Variants in ZRANB3 observed in about 807,000 individuals in gnomAD.
ZRANB3 encodes the protein zinc finger RANBP2-type containing 3.
Under a neutral mutation model 133.8 loss-of-function variants are expected in ZRANB3, and 125 were observed. That is an observed-to-expected ratio of 0.93 (90% CI 0.81 to 1.08). The LOEUF (loss-of-function observed/expected upper bound fraction) is 1.08. Among genes scored for constraint, ZRANB3 ranks in the 50% least tolerant of loss-of-function variants. The probability of loss-of-function intolerance (pLI) is 0.00; values close to 1 mark genes in which losing one functional copy is unlikely to be tolerated. For missense variants in ZRANB3, 1,229 were observed against 1,275.5 expected (o/e 0.96, Z 0.56); for synonymous variants, 387 against 432.7 (o/e 0.89, Z 1.31).
intron 2 of ZRANB3, among the ~76,000 whole-genome samples, chr2:135,411,067 C>T (rs181995072): frequency 1.3e-5 from 2 of 152,060 alleles, no homozygotes; most frequent in Non-Finnish European, 2.9e-5. Context: ...GGTGAAACCC[C>T]AACTCTATTA....
chr2:135,471,799 A>G (rs1449788746), intron 2 of ZRANB3, among the ~76,000 whole-genome samples: 2 of 152,206 alleles, frequency 1.3e-5, no homozygotes, highest in East Asian at 1.9e-4. Context: ...TACAAAGGGA[A>G]TATCTAGATC....
intron 2 of ZRANB3, among the ~76,000 whole-genome samples, chr2:135,460,754 A>C (rs1372384864): frequency 6.6e-6 from 1 of 152,208 alleles, no homozygotes; most frequent in African/African-American, 2.4e-5. Context: ...AATTTAACAA[A>C]TTATGCTTCT....
At chr2:135,406,303 C>T (rs1159797217) in intron 2 of ZRANB3, among the ~76,000 whole-genome samples, 3 of 152,108 alleles carry the variant, frequency 2.0e-5, no homozygotes, top group South Asian at 2.1e-4. Flanking sequence ...AGACCAAAAA[C>T]AGGCTCTGAA....
At chr2:135,301,395 A>G (rs1682426094) in intron 8 of ZRANB3, among the ~76,000 whole-genome samples, 1 of 152,118 alleles carries the variant, frequency 6.6e-6, no homozygotes, top group Non-Finnish European at 1.5e-5. Flanking sequence ...CATGTTGGCC[A>G]GGTTCATCTA....
chr2:135,329,915 A>G (rs1684049966), intron 6 of ZRANB3, among the ~76,000 whole-genome samples: 2 of 152,184 alleles, frequency 1.3e-5, no homozygotes, highest in African/African-American at 4.8e-5. Flanking sequence ...ATATTGTGAG[A>G]CTTTGCTGAA....
intron 12 of ZRANB3, among the ~76,000 whole-genome samples, chr2:135,240,823 A>C (rs1695519984): frequency 6.6e-6 from 1 of 151,800 alleles, no homozygotes; most frequent in South Asian, 2.1e-4. Context: ...CAAGTAATTC[A>C]CCTGTCTTGG....
intron 2 of ZRANB3, among the ~76,000 whole-genome samples, chr2:135,460,566 C>T (rs546325025): frequency 4.6e-5 from 7 of 152,188 alleles, no homozygotes; most frequent in East Asian, 1.9e-4. Flanking sequence ...CGAGCCTGGA[C>T]GAAACGGCTA....
At chr2:135,418,968 C>T (rs1383757106) in intron 2 of ZRANB3, among the ~76,000 whole-genome samples, 89 of 104,262 alleles carry the variant, frequency 8.5e-4, no homozygotes, top group African/African-American at 2.9e-3. Flanking sequence ...GACGGAGTCT[C>T]GTTCTGTCAC....
intron 10 of ZRANB3, 76 bp downstream of exon 10, chr2:135,271,692 C>T: frequency 6.7e-7 from 1 of 1,489,924 alleles, no homozygotes; most frequent in Non-Finnish European, 8.9e-7. Flanking sequence ...AGTTTATAAA[C>T]CAAAGTTATA....
Position 135,350,044 on chromosome 2 carries a change from T to A in ZRANB3, c.531A>T (p.Val177=). 6.2e-7 allele frequency: 1 copy of A among 1,613,864 alleles called. No individual in the cohort carries two copies. The highest frequency in any genetic ancestry group is 8.5e-7 in the Non-Finnish European group (1 of 1,179,858). ...ATRSRILLPI[V]QKARRAILLT... is the part of the protein sequence containing the mutation. ...GAAGAATGGCTCGTCTGGCTTTCTG[T>A]ACTATTGGCAATAAAATCCTGCTGC... The change falls in exon 5 of 21, where the codon GTA becomes GTT. Residue 177 remains valine (V), a synonymous_variant. Coordinates refer to ENST00000264159, the MANE Select transcript of ZRANB3 (RefSeq NM_032143.4).
intron 14 of ZRANB3, among the ~76,000 whole-genome samples, chr2:135,225,686 A>G (rs921811609): frequency 6.6e-6 from 1 of 152,192 alleles, no homozygotes; most frequent in African/African-American, 2.4e-5. Flanking sequence ...AAATGTCTTT[A>G]AATTTTTTCA....
intron 3 of ZRANB3, among the ~76,000 whole-genome samples, chr2:135,361,984 G>C (rs965969826): frequency 2.0e-5 from 3 of 152,032 alleles, no homozygotes; most frequent in African/African-American, 7.2e-5. Flanking sequence ...GGATCATGAG[G>C]TCAGAAGATG....
chr2:135,273,683 C>A (rs1357301981), intron 9 of ZRANB3, among the ~76,000 whole-genome samples: 2 of 152,142 alleles, frequency 1.3e-5, no homozygotes, highest in Non-Finnish European at 2.9e-5. Context: ...GGATTACAGG[C>A]ATGTGCCACC....
rs145922424 is a variant in ZRANB3, at chr2:135,428,828, G to A, written c.162-38008C>T. Among the ~76,000 whole-genome samples the A allele has an allele frequency of 6.1e-4, 93 of 152,268 alleles. 1 individual carries two copies. The Middle Eastern group carries it at 0.014, about 22-fold the overall frequency. On this transcript the variant is annotated intron_variant, in intron 2 of 20. Transcript: ENST00000264159. ...TTAAAGAAATGAATATCCAAACCAAGATGACATACTGTCTCACGCCATCCG... is the reference window on the plus strand; with the variant it reads ...TTAAAGAAATGAATATCCAAACCAAAATGACATACTGTCTCACGCCATCCG...
chr2:135,485,300 A>G (rs1692060687), intron 2 of ZRANB3, among the ~76,000 whole-genome samples: 1 of 152,206 alleles, frequency 6.6e-6, no homozygotes, highest in Non-Finnish European at 1.5e-5. Context: ...TGATATGTAC[A>G]CTGTCTATCC....
intron 2 of ZRANB3, among the ~76,000 whole-genome samples, chr2:135,489,036 T>C (rs776987962): frequency 6.6e-6 from 1 of 151,886 alleles, no homozygotes; most frequent in Non-Finnish European, 1.5e-5. Flanking sequence ...GTCTATAACA[T>C]TGCTCTAGCC....
At chr2:135,428,039 C>A (rs553463756) in intron 2 of ZRANB3, among the ~76,000 whole-genome samples, 1 of 152,188 alleles carries the variant, frequency 6.6e-6, no homozygotes, top group South Asian at 2.1e-4. Flanking sequence ...TTTGATCATA[C>A]AAGAAAATCA....
At chr2:135,521,986 G>A (rs1020179457) in intron 1 of ZRANB3, among the ~76,000 whole-genome samples, 1 of 152,104 alleles carries the variant, frequency 6.6e-6, no homozygotes, top group African/African-American at 2.4e-5. Context: ...TCTCCTTACT[G>A]CCTTCATGTC....
chr2:135,397,047 A>G (rs1375199985), intron 2 of ZRANB3, among the ~76,000 whole-genome samples: 1 of 152,156 alleles, frequency 6.6e-6, no homozygotes. Flanking sequence ...GGATCCCTTG[A>G]GCCCAGGAGA....
Sources: allele counts gnomAD v4.1 joint callset (sites outside exome capture counted in the v4.1 genomes callset), GRCh38; gene constraint gnomAD v4.1.1; transcripts MANE v1.5; gene names NCBI Gene and HGNC (gene_info 2026-07-23, HGNC 2026-07-21).